The following TUBA1C variants were observed in gnomAD, a reference collection of about 807,000 sequenced individuals.
TUBA1C encodes the protein tubulin alpha 1c, also known as tubulin alpha-1C chain.
Under a neutral mutation model 34.9 loss-of-function variants are expected in TUBA1C, and 16 were observed. That is an observed-to-expected ratio of 0.46 (90% CI 0.31 to 0.70). TUBA1C has a LOEUF of 0.70. Among genes scored for constraint, TUBA1C ranks in the 30% least tolerant of loss-of-function variants. The probability of loss-of-function intolerance (pLI) is 0.05; values close to 1 mark genes in which losing one functional copy is unlikely to be tolerated. For missense variants in TUBA1C, 329 were observed against 587.3 expected (o/e 0.56, Z 4.55); for synonymous variants, 177 against 215.9 (o/e 0.82, Z 1.58).
At chr12:49,269,354 C>T (rs569402029) in intron 1 of TUBA1C, 111 bp from the exon 2 acceptor site, 15 of 1,519,596 alleles carry the variant, frequency 9.9e-6, no homozygotes, top group South Asian at 7.1e-5. Flanking sequence ...TGAGTCACTG[C>T]GCCCAGCCAG....
intron 1 of TUBA1C, among the ~76,000 whole-genome samples, chr12:49,230,766 A>T (rs1366331721): frequency 6.6e-6 from 1 of 152,158 alleles, no homozygotes; most frequent in African/African-American, 2.4e-5. Flanking sequence ...TAATAAATGG[A>T]GCTATGGAGG....
At chr12:49,255,405 AATATAT>A (rs142218984) in intron 1 of TUBA1C, among the ~76,000 whole-genome samples, 9 of 141,306 alleles carry the variant, frequency 6.4e-5, no homozygotes, top group East Asian at 4.2e-4. Context: ...ATCTTTAAAA[AATATAT>A]ATATATATAT....
chr12:49,263,607 C>G (rs1352639531), upstream of TUBA1C, among the ~76,000 whole-genome samples: 2 of 152,154 alleles, frequency 1.3e-5, no homozygotes, highest in Non-Finnish European at 2.9e-5. Flanking sequence ...GACTTACAGG[C>G]ATGAGCCACC....
At chr12:49,256,370 A>G (rs113650398) in intron 1 of TUBA1C, 11,515 of 442,540 alleles carry the variant, frequency 0.026, 274 homozygotes, top group Middle Eastern at 0.087. Flanking sequence ...TTGAACAAAA[A>G]TTATTTCTTC....
intron 1 of TUBA1C, among the ~76,000 whole-genome samples, chr12:49,259,835 G>C (rs970191778): frequency 6.6e-6 from 1 of 152,152 alleles, no homozygotes; most frequent in Non-Finnish European, 1.5e-5. Flanking sequence ...TAGTGTACTT[G>C]ATAATGGCTG....
rs1030378960 is a variant in TUBA1C, at chr12:49,265,268, C to G, written c.3+84C>G. ...GGAAACTACTGCCTGCACCTCGGGC[C>G]GCGCCCAGGACAGCTCCAGACTACC... On this transcript the variant is annotated intron_variant, in intron 1 of 3. Coordinates refer to ENST00000301072, the MANE Select transcript of TUBA1C (RefSeq NM_032704.5). 138 of 1,240,362 alleles carry G rather than the reference C, an allele frequency of 1.1e-4. 1 individual carries two copies. In the Middle Eastern group the frequency reaches 2.0e-3, roughly 18 times the overall value. 76.8% of individuals were successfully genotyped at this position (1,240,362 alleles called of 1,614,324 possible). A position where few individuals can be genotyped will look rare whatever the true frequency, so the allele number is the denominator to read the frequency against.
intron 1 of TUBA1C, among the ~76,000 whole-genome samples, chr12:49,240,296 G>GAAAAA (rs201018194): frequency 1.2e-5 from 1 of 81,952 alleles, no homozygotes. Context: ...ACCATTCTCT[G>GAAAAA]AAAAAAAAAA....
intron 1 of TUBA1C, chr12:49,256,321 GAGAA>G (rs1003142286): frequency 2.5e-6 from 1 of 407,712 alleles, no homozygotes; most frequent in Admixed American, 2.7e-5. Flanking sequence ...GCAGAGTAAA[GAGAA>G]AGAACAGCGT....
intron 1 of TUBA1C, among the ~76,000 whole-genome samples, chr12:49,248,523 G>A (rs1374799973): frequency 1.6e-4 from 24 of 150,638 alleles, no homozygotes; most frequent in Admixed American, 3.3e-4. Flanking sequence ...AGCTGAGACC[G>A]GGTTGTTGCC....
upstream of TUBA1C, among the ~76,000 whole-genome samples, chr12:49,260,288 T>C (rs567491997): frequency 6.6e-6 from 1 of 152,250 alleles, no homozygotes; most frequent in East Asian, 1.9e-4. Flanking sequence ...AGGGTGGGAA[T>C]ACAGGTCAAA....
chr12:49,265,272 C>G lies in TUBA1C; in HGVS notation c.3+88C>G, dbSNP rs566413928. ...ACTACTGCCTGCACCTCGGGCCGCG[C>G]CCAGGACAGCTCCAGACTACCCCGG... On this transcript the variant is annotated intron_variant, in intron 1 of 3. Coordinates refer to ENST00000301072, the MANE Select transcript of TUBA1C (RefSeq NM_032704.5). 2.6e-6 allele frequency: 3 copies of G among 1,140,140 alleles called. No homozygotes were observed. The African/African-American group carries it at 4.7e-5, about 18-fold the overall frequency. 70.6% of individuals were successfully genotyped at this position (1,140,140 alleles called of 1,614,324 possible).
intron 1 of TUBA1C, among the ~76,000 whole-genome samples, chr12:49,243,614 T>C (rs550054139): frequency 7.2e-5 from 11 of 152,244 alleles, no homozygotes; most frequent in Non-Finnish European, 1.5e-4. Context: ...TATTATTTTA[T>C]CTATTTATTT....
At chr12:49,254,319 G>T (rs907719128) in intron 1 of TUBA1C, among the ~76,000 whole-genome samples, 2 of 147,986 alleles carry the variant, frequency 1.4e-5, no homozygotes, top group Non-Finnish European at 3.0e-5. Flanking sequence ...CTCAAGAAGA[G>T]AAAAGAAAAA....
intron 1 of TUBA1C, among the ~76,000 whole-genome samples, chr12:49,230,226 T>C (rs1023860281): frequency 6.6e-6 from 1 of 152,202 alleles, no homozygotes; most frequent in Non-Finnish European, 1.5e-5. Flanking sequence ...CTTGACCTCA[T>C]CTGTGCTTTT....
intron 1 of TUBA1C, among the ~76,000 whole-genome samples, chr12:49,267,238 A>C (rs1341714661): frequency 6.6e-6 from 1 of 152,254 alleles, no homozygotes; most frequent in Non-Finnish European, 1.5e-5. Context: ...TTTAAACAGA[A>C]GAAGCATTTG....
chr12:49,265,094 C>T lies in TUBA1C; in HGVS notation c.-88C>T. The T allele has an allele frequency of 2.0e-6, 3 of 1,494,690 alleles. No homozygotes were observed. The highest frequency in any genetic ancestry group is 9.0e-7 in the Non-Finnish European group (1 of 1,108,732). The allele number at this position is 1,494,690 out of a possible 1,614,324, so 92.6% of individuals were successfully genotyped here. A position where few individuals can be genotyped will look rare whatever the true frequency, so the allele number is the denominator to read the frequency against. ...CGGCCACCCTTTCACTACTTCTCCC[C>T]CGGACTCCTTGGTAGTCTGTTAGTG... On this transcript the variant is annotated 5_prime_UTR_variant, in exon 1 of 4. Coordinates refer to ENST00000301072, the MANE Select transcript of TUBA1C (RefSeq NM_032704.5).
intron 1 of TUBA1C, among the ~76,000 whole-genome samples, chr12:49,246,413 C>T (rs1942667810): frequency 6.6e-6 from 1 of 152,108 alleles, no homozygotes; most frequent in African/African-American, 2.4e-5. Context: ...GGCGCGGTGG[C>T]TCACGCCTGT....
chr12:49,244,670 A>C (rs191800121), intron 1 of TUBA1C, among the ~76,000 whole-genome samples: 5 of 152,204 alleles, frequency 3.3e-5, no homozygotes, highest in African/African-American at 7.2e-5. Context: ...AGTACATCAT[A>C]ATAAGGCATA....
Position 49,273,719 on chromosome 12 carries a change from G to A in TUBA1C, c.*492G>A. 5.1e-6 allele frequency: 1 copy of A among 195,014 alleles called. No homozygotes were observed. Among genetic ancestry groups the A allele is most frequent in the East Asian group, 1.3e-4 (1 of 7,864 alleles). The allele number at this position is 195,014 out of a possible 1,614,324, so 12.1% of individuals were successfully genotyped here. A position where few individuals can be genotyped will look rare whatever the true frequency, so the allele number is the denominator to read the frequency against. On this transcript the variant is annotated 3_prime_UTR_variant, in exon 4 of 4. Transcript: ENST00000301072. ...GTTTAATTTGGGCCTGAATTAAGTGGTTATAGAATCATTTTGTAAGTGAGG... is the reference window on the plus strand; with the variant it reads ...GTTTAATTTGGGCCTGAATTAAGTGATTATAGAATCATTTTGTAAGTGAGG...
Sources: allele counts gnomAD v4.1 joint callset (sites outside exome capture counted in the v4.1 genomes callset), GRCh38; gene constraint gnomAD v4.1.1; transcripts MANE v1.5; gene names NCBI Gene and HGNC (gene_info 2026-07-23, HGNC 2026-07-21).